The following TG variants were observed in gnomAD, a reference collection of about 807,000 sequenced individuals.
The protein encoded by TG is thyroid hormones.
TG carries 270 observed loss-of-function variants against 324.7 expected under a neutral mutation model. The observed-to-expected ratio is 0.83, with a 90% CI of 0.75 to 0.92. The LOEUF (loss-of-function observed/expected upper bound fraction) is 0.92. TG is among the 40% of genes least tolerant of loss of function. The pLI is 0.00. For missense variants in TG, 3,591 were observed against 3,456.4 expected (o/e 1.04, Z -0.98); for synonymous variants, 1,401 against 1,327.0 (o/e 1.06, Z -1.21).
At chr8:133,058,656 AG>A (rs895261751) in intron 41 of TG, among the ~76,000 whole-genome samples, 7 of 152,058 alleles carry the variant, frequency 4.6e-5, no homozygotes, top group Non-Finnish European at 7.4e-5. Context: ...CAGTTTGGAG[AG>A]GGTGAGAAAG....
chr8:133,007,258 G>A (rs976078168), intron 35 of TG, among the ~76,000 whole-genome samples: 2 of 152,054 alleles, frequency 1.3e-5, no homozygotes, highest in Non-Finnish European at 2.9e-5. Flanking sequence ...GAAGGGGGAG[G>A]AGAGGCGGGG....
chr8:132,956,012 G>A (rs956128534), intron 27 of TG, among the ~76,000 whole-genome samples: 1 of 152,212 alleles, frequency 6.6e-6, no homozygotes, highest in Non-Finnish European at 1.5e-5. Context: ...TTCTAACTCA[G>A]TTATTGGGGA....
Position 133,024,366 on chromosome 8 carries a change from CTTTCTTTCTTTCTTTCTTTCTTTCTT to C in TG, c.7036+2224_7036+2249del, listed in dbSNP as rs1217242732. The stretch of plus-strand genomic sequence containing the variant: ...TCTTTCTTTCTTTCTTTCTTTCTTT[CTTTCTTTCTTTCTTTCTTTCTTTCTT>C]TTTCTTTTTTTAATTTTACTTTAAG... On this transcript the variant is annotated intron_variant, in intron 40 of 47. Coordinates refer to ENST00000220616, the MANE Select transcript of TG (RefSeq NM_003235.5). 5.8e-3 allele frequency among the ~76,000 whole-genome samples: 717 copies of C among 124,406 alleles called. 10 individuals are homozygous for C. The highest frequency in any genetic ancestry group is 0.013 in the African/African-American group (383 of 29,146). 81.6% of individuals were successfully genotyped at this position (124,406 alleles called of 152,430 possible).
chr8:133,065,684 C>T (rs1179048078), intron 41 of TG, among the ~76,000 whole-genome samples: 1 of 152,056 alleles, frequency 6.6e-6, no homozygotes, highest in Non-Finnish European at 1.5e-5. Context: ...ATCACTTGAA[C>T]CCAGTGGGCG....
At chr8:133,053,596 A>C (rs1365206267) in intron 41 of TG, among the ~76,000 whole-genome samples, 1 of 152,160 alleles carries the variant, frequency 6.6e-6, no homozygotes, top group Non-Finnish European at 1.5e-5. Context: ...ACAATAATAG[A>C]ACCTTGAGGT....
intron 16 of TG, 23 bp downstream of exon 16, chr8:132,901,576 GA>G: frequency 6.8e-6 from 11 of 1,606,336 alleles, no homozygotes; most frequent in Non-Finnish European, 9.4e-6. Flanking sequence ...CCCCTGGGGG[GA>G]CGACGAGGCC....
At chr8:132,914,378 A>T (rs961475866) in intron 20 of TG, among the ~76,000 whole-genome samples, 1 of 152,186 alleles carries the variant, frequency 6.6e-6, no homozygotes, top group Non-Finnish European at 1.5e-5. Flanking sequence ...TCAATTATTT[A>T]TGTTGGTCGC....
intron 33 of TG, 63 bp from the exon 34 acceptor site, chr8:132,972,535 A>G: frequency 3.8e-6 from 6 of 1,577,664 alleles, no homozygotes; most frequent in Non-Finnish European, 5.2e-6. Flanking sequence ...CTCATTTATT[A>G]GACTCTTCCA....
intron 27 of TG, among the ~76,000 whole-genome samples, chr8:132,956,054 C>T (rs1463895944): frequency 1.3e-5 from 2 of 152,202 alleles, no homozygotes; most frequent in Non-Finnish European, 2.9e-5. Context: ...GCAGTCAAAA[C>T]TGTGATCATT....
intron 41 of TG, among the ~76,000 whole-genome samples, chr8:133,081,171 A>G (rs1025090245): frequency 6.6e-6 from 1 of 152,266 alleles, no homozygotes; most frequent in South Asian, 2.1e-4. Context: ...GACCCACCAG[A>G]TAGAGGTGCT....
intron 41 of TG, chr8:133,038,733 G>A: frequency 6.2e-7 from 1 of 1,612,416 alleles, no homozygotes. Flanking sequence ...GGGTCCTCCT[G>A]CAGTCTGTGG....
At chr8:132,956,716 C>G (rs1024550695) in intron 27 of TG, among the ~76,000 whole-genome samples, 1 of 152,270 alleles carries the variant, frequency 6.6e-6, no homozygotes, top group South Asian at 2.1e-4. Context: ...ATCCTTGTAG[C>G]TCCTGCAGGA....
Position 132,871,552 on chromosome 8 carries a change from G to C in TG, c.478+1G>C. 1 of 1,613,346 alleles carries C rather than the reference G, an allele frequency of 6.2e-7. No individual in the cohort carries two copies. Among genetic ancestry groups the C allele is most frequent in the African/African-American group, 1.3e-5 (1 of 75,028 alleles). ...CGCCAGCTGGGGAGGCCAAAGCGAT[G>C]TGAGTTTCACTGAGCGCCTGCACCC... On this transcript the variant is annotated splice_donor_variant, in intron 4 of 47. Transcript: ENST00000220616. LOFTEE classifies it high-confidence loss of function.
intron 41 of TG, 135 bp from the exon 42 acceptor site, chr8:133,094,909 C>A: frequency 8.8e-7 from 1 of 1,141,708 alleles, no homozygotes; most frequent in Non-Finnish European, 1.3e-6. Flanking sequence ...CCATTGTGTG[C>A]AGCCCCAGAA....
At chr8:132,963,233 A>G (rs887824257) in intron 29 of TG, among the ~76,000 whole-genome samples, 159 bp downstream of exon 29, 1 of 152,204 alleles carries the variant, frequency 6.6e-6, no homozygotes, top group Non-Finnish European at 1.5e-5. Flanking sequence ...CAGCTCATAA[A>G]TATGGGAAGC....
At chr8:132,969,910 C>CAAAAAAAAAA (rs11335158) in intron 32 of TG, among the ~76,000 whole-genome samples, 2 of 58,074 alleles carry the variant, frequency 3.4e-5, no homozygotes, top group Non-Finnish European at 6.2e-5. Flanking sequence ...GAGACTCTGT[C>CAAAAAAAAAA]AAAAAAAAAA....
intron 20 of TG, among the ~76,000 whole-genome samples, chr8:132,916,131 A>G (rs1820257768): frequency 6.6e-6 from 1 of 152,216 alleles, no homozygotes; most frequent in African/African-American, 2.4e-5. Context: ...CCCGGGTTCG[A>G]GTCCTAGCTC....
rs16893332 is a variant in TG, at chr8:132,893,891, G to A, written c.2963G>A (p.Arg988His). The change falls in exon 11 of 48, where the codon CGT becomes CAT. Residue 988 changes from arginine to histidine, a missense_variant. By Grantham distance (29) the Arg-to-His change is conservative. Transcript: ENST00000220616. ...GAGGCTTTCGCGGAGCAGTTTCTGCGTGGGAGTGATTACGCCATTCGCCTG... is the reference window on the plus strand; with the variant it reads ...GAGGCTTTCGCGGAGCAGTTTCTGCATGGGAGTGATTACGCCATTCGCCTG... ...PREAFAEQFL[R>H]GSDYAIRLAA... is the part of the protein sequence containing the mutation. 4.3e-3 allele frequency: 6,911 copies of A among 1,614,026 alleles called. 66 individuals are homozygous for A. The highest frequency in any genetic ancestry group is 0.032 in the Middle Eastern group (196 of 6,062).
At chr8:132,980,615 A>C (rs559653808) in intron 34 of TG, among the ~76,000 whole-genome samples, 5 of 152,280 alleles carry the variant, frequency 3.3e-5, no homozygotes, top group African/African-American at 1.2e-4. Flanking sequence ...CCCCCAATTT[A>C]TATGGTCAGA....
Sources: gnomAD v4.1 joint callset for allele counts (sites outside exome capture counted in the v4.1 genomes callset) on GRCh38, gnomAD v4.1.1 for gene constraint, MANE v1.5 for transcripts, NCBI Gene and HGNC (gene_info 2026-07-23, HGNC 2026-07-21) for gene names.